Variants in TASOR observed in about 807,000 individuals in gnomAD.
The protein encoded by TASOR is protein TASOR.
In TASOR, 53 loss-of-function variants were observed where a neutral mutation model predicts 178.6. The ratio of observed to expected loss-of-function variants is 0.30; its 90% confidence interval spans 0.24 to 0.37. The LOEUF is 0.37. Ranked by LOEUF, TASOR falls within the 10% of genes least tolerant of loss-of-function variation. TASOR has a pLI of 1.00. For synonymous variants in TASOR, 713 were observed against 696.2 expected, an observed-to-expected ratio of 1.02 and a Z score of -0.38; for missense variants, 1,815 against 1,971.4, an observed-to-expected ratio of 0.92 and a Z score of 1.50.
chr3:56,681,877 C>G (rs1214616758), intron 1 of TASOR, among the ~76,000 whole-genome samples: 1 of 152,140 alleles, frequency 6.6e-6, no homozygotes, highest in Non-Finnish European at 1.5e-5. Flanking sequence ...GTTCCAAAAA[C>G]TAAGACTGGA....
At chr3:56,675,746 G>C (rs1225363795) in intron 1 of TASOR, among the ~76,000 whole-genome samples, 1 of 152,072 alleles carries the variant, frequency 6.6e-6, no homozygotes, top group Non-Finnish European at 1.5e-5. Context: ...AGTCAAAACA[G>C]GTCACTACTG....
intron 15 of TASOR, among the ~76,000 whole-genome samples, chr3:56,640,930 CCTAA>C (rs2077108638): frequency 6.6e-6 from 1 of 151,926 alleles, no homozygotes; most frequent in Admixed American, 6.6e-5. Context: ...ATACCAAGTA[CCTAA>C]CTGTCACACT....
chr3:56,627,456 G>A, intron 20 of TASOR, 126 bp downstream of exon 20: 1 of 1,042,054 alleles, frequency 9.6e-7, no homozygotes, highest in Non-Finnish European at 1.4e-6. Context: ...GAAATTTGAG[G>A]TAATAAAAGC....
intron 21 of TASOR, among the ~76,000 whole-genome samples, chr3:56,625,726 C>T (rs1217197353): frequency 6.6e-6 from 1 of 151,952 alleles, no homozygotes; most frequent in African/African-American, 2.4e-5. Flanking sequence ...ACTCTGTCGC[C>T]GATTCTCCTG....
At chr3:56,631,584 G>GGTT (rs1229902728) in intron 18 of TASOR, among the ~76,000 whole-genome samples, 2 of 113,436 alleles carry the variant, frequency 1.8e-5, no homozygotes, top group Non-Finnish European at 3.5e-5. Flanking sequence ...GTGTTTTTTT[G>GGTT]TTTTTTTTTT....
At chr3:56,637,833 T>C (rs1390706253) in intron 17 of TASOR, among the ~76,000 whole-genome samples, 3 of 152,126 alleles carry the variant, frequency 2.0e-5, no homozygotes, top group South Asian at 4.1e-4. Context: ...ACAATGCCTA[T>C]GACCATCTGC....
At chr3:56,669,910 A>G in intron 4 of TASOR, 119 bp from the exon 5 acceptor site, 1 of 923,324 alleles carries the variant, frequency 1.1e-6, no homozygotes, top group East Asian at 2.7e-5. Context: ...AATCAGAAAC[A>G]AAAGATAAAA....
In TASOR at chr3:56,665,648, T is replaced by G. The variant is rs544974680; in HGVS notation, c.1022+612A>C. 6.2e-4 allele frequency among the ~76,000 whole-genome samples: 93 copies of G among 150,984 alleles called. 1 individual carries two copies. The highest frequency in any genetic ancestry group is 1.5e-3 in the Admixed American group (22 of 15,158). ...TGCTGGAATTACAGGCATGAGCCAC[T>G]GCGCCTGGCCAAAATCTCACTTTTT... On this transcript the variant is annotated intron_variant, in intron 7 of 23. Coordinates refer to ENST00000683822, the MANE Select transcript of TASOR (RefSeq NM_001365635.2).
At chr3:56,652,363 A>G (rs867775961) in intron 11 of TASOR, among the ~76,000 whole-genome samples, 3 of 152,052 alleles carry the variant, frequency 2.0e-5, no homozygotes, top group Non-Finnish European at 2.9e-5. Flanking sequence ...AGAACAGCCC[A>G]GGCAATATGG....
chr3:56,623,492 C>T lies in TASOR; in HGVS notation c.4558G>A (p.Val1520Ile). ...DSGDEISHIEVCSNFHSEIWE... is the reference protein window; with the variant it reads ...DSGDEISHIEICSNFHSEIWE... ...ATTTCTGAATGAAAATTGCTGCATA[C>T]TTCTATATGTGAGATTTCATCCCCT... is the stretch of plus-strand genomic sequence containing the variant. Residue 1520 changes from valine to isoleucine, a missense_variant, in exon 24 of 24, where the codon GTA becomes ATA. Around this residue, in one of 5 missense-constraint regions of TASOR, gnomAD observed 278 missense variants for 257.1 expected, o/e 1.08. Coordinates refer to ENST00000683822, the MANE Select transcript of TASOR (RefSeq NM_001365635.2). 6.2e-7 allele frequency: 1 copy of T among 1,612,774 alleles called. No individual in the cohort carries two copies. The highest frequency in any genetic ancestry group is 8.5e-7 in the Non-Finnish European group (1 of 1,179,912).
At chr3:56,680,049 A>G (rs1247967241) in intron 1 of TASOR, among the ~76,000 whole-genome samples, 2 of 151,970 alleles carry the variant, frequency 1.3e-5, no homozygotes, top group Admixed American at 6.6e-5. Context: ...GAAGGGGGGG[A>G]ACAGTTTTTG....
chr3:56,643,281 T>C (rs1233885564), intron 14 of TASOR, among the ~76,000 whole-genome samples: 1 of 151,088 alleles, frequency 6.6e-6, no homozygotes. Flanking sequence ...AAAAAAGTTC[T>C]ATATATTGGA....
In TASOR at chr3:56,641,738, T is replaced by A. The variant is rs376450671; in HGVS notation, c.2230A>T (p.Ile744Phe). The change falls in exon 15 of 24, where the codon ATT (isoleucine) becomes TTT (phenylalanine). Residue 744 changes from isoleucine to phenylalanine, a missense_variant. This residue lies in a region of TASOR where 655 missense variants were observed against 671.1 expected (regional missense o/e 0.98). Coordinates refer to ENST00000683822, the MANE Select transcript of TASOR (RefSeq NM_001365635.2). ...CHLYEESPQP[I>F]GSLGHDADLR... ...TCAGCATCATGTCCAAGTGAGCCAA[T>A]AGGCTGTGGAGACTCTGAGAAAAAG... The A allele has an allele frequency of 2.5e-6, 4 of 1,612,706 alleles. No homozygotes were observed. The African/African-American group carries it at 4.0e-5, about 16-fold the overall frequency.
rs569466086 is a variant in TASOR, at chr3:56,678,485, C to G, written c.331+4191G>C. On this transcript the variant is annotated intron_variant, in intron 1 of 23. Transcript: ENST00000683822. ...CATGATCCACCATGCCCAGCCCACA[C>G]TCAAGATTTGAAGGTTGTATTTATA... Among the ~76,000 whole-genome samples, 9 of 151,988 alleles carry G rather than the reference C, an allele frequency of 5.9e-5. No individual in the cohort carries two copies. The South Asian group carries it at 1.9e-3, about 32-fold the overall frequency.
intron 13 of TASOR, 74 bp from the exon 14 acceptor site, chr3:56,647,297 T>C: frequency 8.3e-7 from 1 of 1,211,636 alleles, no homozygotes; most frequent in Non-Finnish European, 1.1e-6. Flanking sequence ...CAGATCTAAA[T>C]ATTGCCAAAG....
chr3:56,671,863 T>C (rs2030773379), intron 2 of TASOR, among the ~76,000 whole-genome samples, 171 bp from the exon 3 acceptor site: 1 of 152,142 alleles, frequency 6.6e-6, no homozygotes, highest in African/African-American at 2.4e-5. Flanking sequence ...TGGCTCTTTA[T>C]ATATAATATT....
At chr3:56,635,631 CT>C (rs1343050080) in intron 17 of TASOR, among the ~76,000 whole-genome samples, 5 of 152,134 alleles carry the variant, frequency 3.3e-5, no homozygotes, top group African/African-American at 1.2e-4. Context: ...GAAGAACTAC[CT>C]TAATTTAAAA....
intron 17 of TASOR, 42 bp downstream of exon 17, chr3:56,638,664 A>C (rs375011117): frequency 3.4e-5 from 55 of 1,608,228 alleles, no homozygotes; most frequent in Admixed American, 6.7e-5. Flanking sequence ...GCAACTCTGA[A>C]GAAGGGCACA....
chr3:56,669,841 C>G (rs941905644), intron 4 of TASOR, 50 bp from the exon 5 acceptor site: 90 of 1,307,214 alleles, frequency 6.9e-5, no homozygotes, highest in Non-Finnish European at 9.2e-5. Context: ...TTCAAAATCA[C>G]TAGGACTAAA....
Sources: gnomAD v4.1 joint callset for allele counts (sites outside exome capture counted in the v4.1 genomes callset) on GRCh38, gnomAD v4.1.1 for gene constraint, gnomAD v4.1.1 regional missense constraint, MANE v1.5 for transcripts, NCBI Gene and HGNC (gene_info 2026-07-23, HGNC 2026-07-21) for gene names.